The following CLPB variants were observed in gnomAD, a reference collection of about 807,000 sequenced individuals.
CLPB encodes the protein ClpB family mitochondrial disaggregase, also known as mitochondrial disaggregase.
In CLPB, 40 loss-of-function variants were observed where a neutral mutation model predicts 78.4. That is an observed-to-expected ratio of 0.51 (90% CI 0.40 to 0.66). CLPB has a LOEUF of 0.66. Among genes scored for constraint, CLPB ranks in the 30% least tolerant of loss-of-function variants. The probability of loss-of-function intolerance (pLI) is 0.00; values close to 1 mark genes in which losing one functional copy is unlikely to be tolerated. For synonymous variants in CLPB, 333 were observed against 348.0 expected (o/e 0.96, Z 0.48); for missense variants, 780 against 886.9 (o/e 0.88, Z 1.53).
rs543123845 is a variant in CLPB, at chr11:72,402,928, C to G, written c.542+38G>C. The G allele has an allele frequency of 3.8e-6, 6 of 1,568,922 alleles. No individual in the cohort carries two copies. In the East Asian group the frequency reaches 6.7e-5, roughly 18 times the overall value. On this transcript the variant is annotated intron_variant, in intron 3 of 15. Transcript: ENST00000538039. Reference sequence around the variant, plus strand: ...GCTCAGGAGCACAGTCTGCAGAGATCTGCCTAAAGGAGCCCTGTGTGGAAG... The same window carrying G: ...GCTCAGGAGCACAGTCTGCAGAGATGTGCCTAAAGGAGCCCTGTGTGGAAG...
At chr11:72,377,919 A>G (rs1854772259) in intron 4 of CLPB, among the ~76,000 whole-genome samples, 1 of 152,226 alleles carries the variant, frequency 6.6e-6, no homozygotes. Context: ...TGGTCGAGGT[A>G]AGTAGTCACA....
intron 3 of CLPB, among the ~76,000 whole-genome samples, chr11:72,382,594 GC>G (rs1488167388): frequency 6.6e-6 from 1 of 152,054 alleles, no homozygotes; most frequent in East Asian, 1.9e-4. Context: ...CAGGCACCAG[GC>G]CCACTCACCT....
chr11:72,344,349 C>T (rs896254981), intron 5 of CLPB, among the ~76,000 whole-genome samples: 1 of 151,898 alleles, frequency 6.6e-6, no homozygotes, highest in African/African-American at 2.4e-5. Context: ...GATGGGACCA[C>T]AGGCACATCA....
In CLPB at chr11:72,286,224, T is replaced by TTTTTTTTTTTTTTG. The variant is rs1565413641; in HGVS notation, c.*7142_*7143insCAAAAAAAAAAAAA. 2.6e-5 allele frequency: 2 copies of TTTTTTTTTTTTTTG among 75,612 alleles called. 1 individual carries two copies. Among genetic ancestry groups the TTTTTTTTTTTTTTG allele is most frequent in the African/African-American group, 1.9e-4 (2 of 10,646 alleles). 4.7% of individuals were successfully genotyped at this position (75,612 alleles called of 1,614,324 possible). A position where few individuals can be genotyped will look rare whatever the true frequency, so the allele number is the denominator to read the frequency against. ...TTACAGGTGTGAGATACTGCACCTG[T>TTTTTTTTTTTTTTG]TTTTTTTTTTTTTTTTTTTTTTAAG... is the stretch of plus-strand genomic sequence containing the variant. On this transcript the variant is annotated 3_prime_UTR_variant, in exon 16 of 16. Coordinates refer to ENST00000538039, the MANE Select transcript of CLPB (RefSeq NM_001258392.3).
rs762143955 is a variant in CLPB at position 72,293,523 on chromosome 11, T to C, written c.1878A>G (p.Ser626=). The C allele has an allele frequency of 6.2e-7, 1 of 1,614,164 alleles. No homozygotes were observed. Among genetic ancestry groups the C allele is most frequent in the Admixed American group, 1.7e-5 (1 of 60,014 alleles). Residue 626 remains serine, a synonymous_variant, in exon 16 of 16, where the codon TCA becomes TCG. Coordinates refer to ENST00000538039, the MANE Select transcript of CLPB (RefSeq NM_001258392.3). The part of the protein sequence containing the change: ...GCTLRITVED[S]DKQLLKSPEL... ...CTGGGCTTTTGAGTAGCTGCTTGTC[T>C]GAGTCCTCCACCGTGATGCGCAAAG...
chr11:72,295,316 C>T (rs1949530894), intron 12 of CLPB, among the ~76,000 whole-genome samples, 176 bp downstream of exon 12: 1 of 152,196 alleles, frequency 6.6e-6, no homozygotes, highest in Non-Finnish European at 1.5e-5. Flanking sequence ...GTCTCTGTCT[C>T]TTTTGTCTCA....
intron 2 of CLPB, among the ~76,000 whole-genome samples, chr11:72,424,533 G>A (rs1335025762): frequency 6.6e-6 from 1 of 151,996 alleles, no homozygotes; most frequent in Non-Finnish European, 1.5e-5. Context: ...GAGGTGGGCA[G>A]ATCACTTGAG....
rs373976306 is a variant in CLPB, at chr11:72,301,775, C to A, written c.1329+28G>T. 15 of 1,606,434 alleles carry A rather than the reference C, an allele frequency of 9.3e-6. No individual in the cohort carries two copies. In the Middle Eastern group the frequency reaches 8.9e-4, roughly 95 times the overall value. ...TCCCCCTTATCTCCAGGTGTCCCCC[C>A]GCTCCATCCTGGCCCAAGGTGACTC... On this transcript the variant is annotated intron_variant, in intron 11 of 15. Coordinates refer to ENST00000538039, the MANE Select transcript of CLPB (RefSeq NM_001258392.3).
chr11:72,360,354 G>A (rs1202019198), intron 4 of CLPB, among the ~76,000 whole-genome samples: 2 of 152,180 alleles, frequency 1.3e-5, no homozygotes, highest in Non-Finnish European at 2.9e-5. Flanking sequence ...TCTTTTTCAA[G>A]TGGTCTTGGA....
intron 3 of CLPB, among the ~76,000 whole-genome samples, chr11:72,397,039 T>C (rs1855427189): frequency 6.6e-6 from 1 of 152,236 alleles, no homozygotes; most frequent in South Asian, 2.1e-4. Flanking sequence ...AGAATATTTC[T>C]CCATCATCCC....
intron 6 of CLPB, among the ~76,000 whole-genome samples, chr11:72,323,311 G>A (rs1950075268): frequency 6.6e-6 from 1 of 152,208 alleles, no homozygotes; most frequent in African/African-American, 2.4e-5. Context: ...GCTCATGCCT[G>A]TAATCCCAGC....
intron 7 of CLPB, among the ~76,000 whole-genome samples, chr11:72,314,095 G>A (rs1949896419): frequency 6.6e-6 from 1 of 152,316 alleles, no homozygotes; most frequent in South Asian, 2.1e-4. Flanking sequence ...TGGTCAAAGA[G>A]GGAAGTGAAG....
intron 5 of CLPB, among the ~76,000 whole-genome samples, chr11:72,356,599 G>T (rs1412572911): frequency 6.6e-6 from 1 of 152,140 alleles, no homozygotes; most frequent in Non-Finnish European, 1.5e-5. Flanking sequence ...TAGGGCAAGG[G>T]GTGTAAATGT....
At chr11:72,326,752 TCTTA>T (rs577901230) in intron 6 of CLPB, among the ~76,000 whole-genome samples, 110 of 152,302 alleles carry the variant, frequency 7.2e-4, no homozygotes, top group Non-Finnish European at 1.2e-3. Flanking sequence ...GGCAGCTGCT[TCTTA>T]CTTACTGGCA....
chr11:72,314,294 G>A (rs1029703540), intron 7 of CLPB, among the ~76,000 whole-genome samples: 3 of 152,216 alleles, frequency 2.0e-5, no homozygotes, highest in East Asian at 1.9e-4. Context: ...AAGGAGCTCC[G>A]AGAAAGCTGC....
chr11:72,430,509 G>C (rs1856514198), intron 1 of CLPB, 146 bp from the exon 2 acceptor site: 1 of 646,652 alleles, frequency 1.5e-6, no homozygotes, highest in African/African-American at 1.8e-5. Flanking sequence ...AATGAGAAAC[G>C]AATCATTCCC....
chr11:72,424,392 T>C (rs1397100554), intron 2 of CLPB, among the ~76,000 whole-genome samples: 5 of 152,354 alleles, frequency 3.3e-5, no homozygotes, highest in African/African-American at 4.8e-5. Context: ...TCCTGGAATA[T>C]GTGATACAAA....
intron 3 of CLPB, among the ~76,000 whole-genome samples, chr11:72,383,679 T>C (rs956860087): frequency 6.6e-6 from 1 of 151,852 alleles, no homozygotes; most frequent in African/African-American, 2.4e-5. Flanking sequence ...GGATGATAGA[T>C]TCAAAATGCT....
chr11:72,335,859 C>G (rs1406822019), intron 5 of CLPB, among the ~76,000 whole-genome samples: 1 of 152,154 alleles, frequency 6.6e-6, no homozygotes, highest in African/African-American at 2.4e-5. Context: ...TTCTTTCTGC[C>G]CCAGGAGAAC....
Sources: gnomAD v4.1 joint callset for allele counts (sites outside exome capture counted in the v4.1 genomes callset) on GRCh38, gnomAD v4.1.1 for gene constraint, MANE v1.5 for transcripts, NCBI Gene and HGNC (gene_info 2026-07-23, HGNC 2026-07-21) for gene names.